The following ALPK3 variants were observed in gnomAD, a reference collection of about 807,000 sequenced individuals.
ALPK3 encodes alpha kinase 3.
Under a neutral mutation model 140.0 loss-of-function variants are expected in ALPK3, and 102 were observed. The observed-to-expected ratio is 0.73, with a 90% confidence interval of 0.62 to 0.86. ALPK3 has a LOEUF of 0.86. Ranked by LOEUF, ALPK3 falls within the 40% of genes least tolerant of loss-of-function variation. ALPK3 has a pLI of 0.00. For synonymous variants in ALPK3, 938 were observed against 898.5 expected (o/e 1.04, Z -0.79); for missense variants, 2,254 against 2,208.2 (o/e 1.02, Z -0.42).
At position 84,858,082 on chromosome 15, in the gene ALPK3, T is replaced by A; in HGVS notation, c.3344T>A (p.Leu1115Gln). ...ASQESSMAGR[L>Q]GEAGGQAAPG... ...CAGGAGAGCAGCATGGCTGGTCGAC[T>A]GGGGGAGGCGGGTGGGCAGGCAGCC... Residue 1115 changes from leucine to glutamine, a missense_variant, in exon 6 of 14, where the codon CTG becomes CAG. Leu to Gln is a moderately radical substitution (Grantham distance 113). This residue lies in a region of ALPK3 where 2,088 missense variants were observed against 2,022.9 expected (regional missense o/e 1.03). Coordinates refer to ENST00000258888, the MANE Select transcript of ALPK3 (RefSeq NM_020778.5). 1 of 1,567,806 alleles carries A rather than the reference T, an allele frequency of 6.4e-7. No homozygotes were observed. The highest frequency in any genetic ancestry group is 8.6e-7 in the Non-Finnish European group (1 of 1,160,594).
chr15:84,848,069 A>AT (rs1555434938), intron 5 of ALPK3, among the ~76,000 whole-genome samples: 6 of 151,864 alleles, frequency 4.0e-5, no homozygotes, highest in African/African-American at 7.3e-5. Flanking sequence ...CTCAAAAAAA[A>AT]AAAAATAAAA....
chr15:84,851,261 T>G lies in ALPK3; in HGVS notation c.1654-5131T>G, dbSNP rs142081484. Among the ~76,000 whole-genome samples the G allele has an allele frequency of 2.9e-3, 435 of 152,108 alleles. 3 individuals are homozygous for G. Among genetic ancestry groups the G allele is most frequent in the African/African-American group, 0.01 (428 of 41,486 alleles). On this transcript the variant is annotated intron_variant, in intron 5 of 13. Coordinates refer to ENST00000258888, the MANE Select transcript of ALPK3 (RefSeq NM_020778.5). ...TCAAGGAGTAGGTGAGAATGTCTGG[T>G]ACAGAAAAAAGTACATAAAAGAGTT...
rs182800131 is a variant in ALPK3 at position 84,829,242 on chromosome 15, A to G, written c.304+1637A>G. Among the ~76,000 whole-genome samples, 4 of 152,302 alleles carry G rather than the reference A, an allele frequency of 2.6e-5. No individual in the cohort carries two copies. In the East Asian group the frequency reaches 7.7e-4, roughly 29 times the overall value. ...TTCTCTATTGTCTTCCTGTTATGGT[A>G]GATAAGGAATTAGCTCTTTTATACC... is the stretch of plus-strand genomic sequence containing the variant. On this transcript the variant is annotated intron_variant, in intron 3 of 13. Coordinates refer to ENST00000258888, the MANE Select transcript of ALPK3 (RefSeq NM_020778.5).
At position 84,840,767 on chromosome 15, in the gene ALPK3, C is replaced by A. The variant is rs746198662; in HGVS notation, c.1488C>A (p.Ser496Arg). 6 of 1,614,238 alleles carry A rather than the reference C, an allele frequency of 3.7e-6. No individual in the cohort carries two copies. The South Asian group carries it at 6.6e-5, about 18-fold the overall frequency. ...PKPKGEATTDSKPISSLSQAP... is the reference protein window; with the variant it reads ...PKPKGEATTDRKPISSLSQAP... ...CCAAAGGAGAGGCCACCACTGACAG[C>A]AAGCCCATTTCTTCTCTGAGTCAAG... Residue 496 changes from serine to arginine, a missense_variant, in exon 5 of 14, where the codon AGC becomes AGA. This residue lies in a region of ALPK3 where 2,088 missense variants were observed against 2,022.9 expected (regional missense o/e 1.03). Coordinates refer to ENST00000258888, the MANE Select transcript of ALPK3 (RefSeq NM_020778.5).
intron 5 of ALPK3, among the ~76,000 whole-genome samples, chr15:84,853,015 A>C (rs1963822411): frequency 1.3e-5 from 2 of 152,218 alleles, no homozygotes; most frequent in Non-Finnish European, 2.9e-5. Context: ...TGAGATAATG[A>C]AGAAGTAGTT....
intron 5 of ALPK3, among the ~76,000 whole-genome samples, chr15:84,851,637 T>C (rs901127215): frequency 1.3e-5 from 2 of 152,216 alleles, no homozygotes; most frequent in African/African-American, 4.8e-5. Context: ...TGTGTGTGTG[T>C]CTGTGTATTT....
chr15:84,836,292 G>C (rs1180513312), intron 3 of ALPK3, among the ~76,000 whole-genome samples: 1 of 152,166 alleles, frequency 6.6e-6, no homozygotes, highest in Non-Finnish European at 1.5e-5. Context: ...GGAGCTAATT[G>C]GGGTGTTTTG....
rs1454818440 is a variant in ALPK3 at position 84,869,111 on chromosome 15, C to G, written c.*655C>G. 6.5e-6 allele frequency: 1 copy of G among 153,896 alleles called. No individual in the cohort carries two copies. The highest frequency in any genetic ancestry group is 1.4e-5 in the Non-Finnish European group (1 of 69,362). The allele number at this position is 153,896 out of a possible 1,614,324, so 9.5% of individuals were successfully genotyped here. On this transcript the variant is annotated 3_prime_UTR_variant, in exon 14 of 14. Transcript: ENST00000258888. ...TCACGCTCTTCCCCCTTCACTCACTCGCCTGCTTCCCATGCTCCCTTGTAC... is the reference window on the plus strand; with the variant it reads ...TCACGCTCTTCCCCCTTCACTCACTGGCCTGCTTCCCATGCTCCCTTGTAC...
chr15:84,862,598 G>A (rs770316782), intron 9 of ALPK3, 37 bp from the exon 10 acceptor site: 1 of 1,564,828 alleles, frequency 6.4e-7, no homozygotes, highest in Admixed American at 1.8e-5. Context: ...TGAGACAGGA[G>A]CTCCTGGTCT....
rs770515435 is a variant in ALPK3, at chr15:84,868,434, C to A, written c.5096C>A (p.Ser1699Tyr). 1 of 1,609,862 alleles carries A rather than the reference C, an allele frequency of 6.2e-7. No homozygotes were observed. The highest frequency in any genetic ancestry group is 8.5e-7 in the Non-Finnish European group (1 of 1,179,940). The change falls in exon 14 of 14, where the codon TCC becomes TAC. Residue 1699 changes from serine (S) to tyrosine (Y), a missense_variant. Transcript: ENST00000258888. ...LGQPPTQEEG[S>Y]KAQGMR ...CAGCCTCCCACCCAAGAGGAGGGCT[C>A]CAAGGCCCAGGGCATGCGGTAGCCT...
rs750326370 is a variant in ALPK3 at position 84,857,742 on chromosome 15, G to A, written c.3004G>A (p.Glu1002Lys). ...CTCAGCCACTCTGACACCCACTGTG[G>A]AAGTGGCTGGGCTTAGTCCCCGGAC... ...VPSATLTPTV[E>K]VAGLSPRTSR... The change falls in exon 6 of 14, where the codon GAA becomes AAA. Residue 1002 changes from glutamate (E) to lysine (K), a missense_variant. Physicochemically the swap from Glu to Lys is moderately conservative, Grantham distance 56 (BLOSUM62 1). This residue lies in a region of ALPK3 where 2,088 missense variants were observed against 2,022.9 expected (regional missense o/e 1.03). Transcript: ENST00000258888. 1.2e-6 allele frequency: 2 copies of A among 1,613,430 alleles called. No individual in the cohort carries two copies. Among genetic ancestry groups the A allele is most frequent in the Middle Eastern group, 1.7e-4 (1 of 6,060 alleles).
chr15:84,824,150 G>A (rs1453204652), intron 2 of ALPK3, among the ~76,000 whole-genome samples: 1 of 152,024 alleles, frequency 6.6e-6, no homozygotes, highest in African/African-American at 2.4e-5. Flanking sequence ...CTCTTTCTCT[G>A]AATTTTCCTT....
In ALPK3 at chr15:84,867,373, G is replaced by A. The variant is rs776487097; in HGVS notation, c.4772+8G>A. 6.2e-7 allele frequency: 1 copy of A among 1,613,984 alleles called. No homozygotes were observed. Among genetic ancestry groups the A allele is most frequent in the Non-Finnish European group, 8.5e-7 (1 of 1,179,930 alleles). On this transcript the variant is annotated splice_region_variant and intron_variant, in intron 13 of 13. Coordinates refer to ENST00000258888, the MANE Select transcript of ALPK3 (RefSeq NM_020778.5). ...TGCTACCAAACTCCGAGGGTGAGTG[G>A]TTCTTGGGGACAGAATGCCCTCTGG...
chr15:84,823,020 C>T (rs1247358606), intron 1 of ALPK3, among the ~76,000 whole-genome samples: 1 of 152,256 alleles, frequency 6.6e-6, no homozygotes, highest in African/African-American at 2.4e-5. Context: ...TGTAAGCCTC[C>T]CTCTTGGGGG....
intron 8 of ALPK3, 58 bp from the exon 9 acceptor site, chr15:84,859,979 A>G: frequency 6.2e-7 from 1 of 1,613,280 alleles, no homozygotes; most frequent in Non-Finnish European, 8.5e-7. Flanking sequence ...CTTTGAGAGA[A>G]GGCACTCTCT....
At chr15:84,817,669 GC>G in intron 1 of ALPK3, 74 bp downstream of exon 1, 1 of 1,381,584 alleles carries the variant, frequency 7.2e-7, no homozygotes, top group Non-Finnish European at 9.3e-7. Flanking sequence ...GGGCGGCCTG[GC>G]CCCTGGAGGC....
At position 84,857,646 on chromosome 15, in the gene ALPK3, C is replaced by T; in HGVS notation, c.2908C>T (p.Leu970=). 6 of 1,592,322 alleles carry T rather than the reference C, an allele frequency of 3.8e-6. No individual in the cohort carries two copies. The highest frequency in any genetic ancestry group is 5.1e-6 in the Non-Finnish European group (6 of 1,165,368). Residue 970 remains leucine (L), a synonymous_variant, in exon 6 of 14, where the codon CTG becomes TTG. Coordinates refer to ENST00000258888, the MANE Select transcript of ALPK3 (RefSeq NM_020778.5). The part of the protein sequence containing the change: ...LKNYLLLLLK[L]SSTETSGAGG... ...GAACTACCTGCTTCTGCTGCTGAAG[C>T]TGTCCAGCACAGAGACAAGTGGAGC...
Position 84,867,362 on chromosome 15 carries a change from G to A in ALPK3, c.4769G>A (p.Arg1590Gln), listed in dbSNP as rs1432141737. 5.0e-6 allele frequency: 8 copies of A among 1,613,860 alleles called. No individual in the cohort carries two copies. Among genetic ancestry groups the A allele is most frequent in the Admixed American group, 3.3e-5 (2 of 60,002 alleles). Reference protein sequence around the residue: ...MTDVQIATKLRGYQGLKESCF... With the variant: ...MTDVQIATKLQGYQGLKESCF... ...GATGTGCAGATTGCTACCAAACTCC[G>A]AGGGTGAGTGGTTCTTGGGGACAGA... is the stretch of plus-strand genomic sequence containing the variant. Residue 1590 changes from arginine to glutamine, a missense_variant, in exon 13 of 14, where the codon CGA (arginine) becomes CAA (glutamine). Coordinates refer to ENST00000258888, the MANE Select transcript of ALPK3 (RefSeq NM_020778.5).
chr15:84,839,784 G>A lies in ALPK3; in HGVS notation c.505G>A (p.Val169Met). 6.2e-7 allele frequency: 1 copy of A among 1,614,160 alleles called. No individual in the cohort carries two copies. The highest frequency in any genetic ancestry group is 8.5e-7 in the Non-Finnish European group (1 of 1,180,040). ...GIVSCSGVLE[V>M]GTMTEYKIHQ... is the part of the protein sequence containing the mutation. ...TGTGTCCTGCTCAGGGGTCCTGGAG[G>A]TGGGCACCATGACTGAGTACAAGAT... Residue 169 changes from valine to methionine, a missense_variant, in exon 5 of 14, where the codon GTG becomes ATG. Physicochemically the swap from Val to Met is conservative, Grantham distance 21. Around this residue, in one of 3 missense-constraint regions of ALPK3, gnomAD observed 2,088 missense variants for 2,022.9 expected, o/e 1.03. Coordinates refer to ENST00000258888, the MANE Select transcript of ALPK3 (RefSeq NM_020778.5).
Sources: gnomAD v4.1 joint callset for allele counts (sites outside exome capture counted in the v4.1 genomes callset) on GRCh38, gnomAD v4.1.1 for gene constraint, gnomAD v4.1.1 regional missense constraint, MANE v1.5 for transcripts, NCBI Gene and HGNC (gene_info 2026-07-23, HGNC 2026-07-21) for gene names.